Variants in SCP2 observed in about 807,000 individuals in gnomAD.
SCP2 encodes SCP-2/3-oxoacyl-CoA thiolase.
SCP2 carries 48 observed loss-of-function variants against 71.4 expected under a neutral mutation model. That is an observed-to-expected ratio of 0.67 (90% confidence interval 0.53 to 0.86). The LOEUF is 0.86. Ranked by LOEUF, SCP2 falls within the 40% of genes least tolerant of loss-of-function variation. SCP2 has a pLI of 0.00. For synonymous variants in SCP2, 220 were observed against 218.1 expected (o/e 1.01, Z -0.08); for missense variants, 560 against 655.6 (o/e 0.85, Z 1.59).
intron 13 of SCP2, among the ~76,000 whole-genome samples, chr1:53,037,879 TACACACACACACACACAC>T (rs34293671): frequency 1.5e-3 from 125 of 84,624 alleles, no homozygotes; most frequent in Non-Finnish European, 1.5e-3. Flanking sequence ...TGTCTCTACA[TACACACACACACACACAC>T]ACACACACAC....
chr1:53,043,517 G>A (rs902874518), intron 14 of SCP2, among the ~76,000 whole-genome samples: 2 of 152,208 alleles, frequency 1.3e-5, no homozygotes, highest in Admixed American at 1.3e-4. Flanking sequence ...CATAGGAATT[G>A]GGAGTATGAG....
intron 12 of SCP2, 60 bp downstream of exon 12, chr1:53,015,103 ATGTTTTACATGTAAAAATTTCT>A: frequency 6.8e-7 from 1 of 1,467,382 alleles, no homozygotes; most frequent in South Asian, 1.1e-5. Context: ...ACAGTTGATG[ATGTTTTACATGTAAAAATTTCT>A]TATTTTATTG....
chr1:52,974,785 CTT>C lies in SCP2; in HGVS notation c.542_543del (p.Phe181CysfsTer9). 1.9e-6 allele frequency: 3 copies of C among 1,547,572 alleles called. No homozygotes were observed. The highest frequency in any genetic ancestry group is 2.7e-6 in the Non-Finnish European group (3 of 1,119,414). On this transcript the variant is annotated frameshift_variant, in exon 7 of 16. Coordinates refer to ENST00000371514, the MANE Select transcript of SCP2 (RefSeq NM_002979.5). LOFTEE classifies it high-confidence loss of function. Reference sequence around the variant, plus strand: ...TCTTTACAGGAACAAAAATTGAACACTTTGCAAAAATTGGATGGAAAAATCAT... The same window carrying C: ...TCTTTACAGGAACAAAAATTGAACACTGCAAAAATTGGATGGAAAAATCAT... ...MEKYGTKIEH[F>X]AKIGWKNHKH...
At chr1:53,021,316 A>G (rs1054515223) in intron 12 of SCP2, among the ~76,000 whole-genome samples, 51 of 94,548 alleles carry the variant, frequency 5.4e-4, no homozygotes, top group African/African-American at 3.3e-3. Context: ...GCCGTCAACC[A>G]CTTTTTTTTT....
At chr1:53,002,136 G>A (rs1169245690) in intron 11 of SCP2, among the ~76,000 whole-genome samples, 1 of 149,940 alleles carries the variant, frequency 6.7e-6, no homozygotes, top group African/African-American at 2.5e-5. Flanking sequence ...GCAGTGAGCC[G>A]AGATCACGCC....
At chr1:53,021,157 C>T (rs1156343307) in intron 12 of SCP2, among the ~76,000 whole-genome samples, 1 of 152,010 alleles carries the variant, frequency 6.6e-6, no homozygotes, top group African/African-American at 2.4e-5. Flanking sequence ...CAGGCACACA[C>T]CGTCATGCCC....
At chr1:53,026,987 G>A (rs960003244) in intron 12 of SCP2, among the ~76,000 whole-genome samples, 3 of 149,306 alleles carry the variant, frequency 2.0e-5, no homozygotes, top group African/African-American at 5.0e-5. Context: ...CACCCAGGAT[G>A]GGGTGCAGTG....
At chr1:53,050,229 C>T (rs951579555) in intron 15 of SCP2, 3 of 238,488 alleles carry the variant, frequency 1.3e-5, no homozygotes, top group South Asian at 5.4e-5. Context: ...CCAAGAGTTT[C>T]TGTGTTTTTT....
Position 52,927,978 on chromosome 1 carries a change from C to G in SCP2, c.69+513C>G, listed in dbSNP as rs572020895. On this transcript the variant is annotated intron_variant, in intron 1 of 15. Coordinates refer to ENST00000371514, the MANE Select transcript of SCP2 (RefSeq NM_002979.5). Reference sequence around the variant, plus strand: ...CGCCGCAGGCTCCCACGGCCGTTTTCCCCTCATCGCCCGCATGCTCCTTAA... The same window carrying G: ...CGCCGCAGGCTCCCACGGCCGTTTTGCCCTCATCGCCCGCATGCTCCTTAA... 6.6e-5 allele frequency among the ~76,000 whole-genome samples: 10 copies of G among 152,366 alleles called. No homozygotes were observed. The South Asian group carries it at 2.1e-3, about 32-fold the overall frequency.
chr1:52,962,597 T>C (rs59838368), intron 6 of SCP2, among the ~76,000 whole-genome samples: 10,155 of 152,134 alleles, frequency 0.067, 578 homozygotes, highest in East Asian at 0.21. Context: ...GCTCTCTGAC[T>C]GTATCTCCGA....
intron 11 of SCP2, among the ~76,000 whole-genome samples, chr1:53,002,844 C>T (rs1389941573): frequency 2.0e-5 from 3 of 152,092 alleles, no homozygotes; most frequent in Non-Finnish European, 4.4e-5. Flanking sequence ...AACCAAGGGA[C>T]CGAGCATTTT....
chr1:52,960,480 A>ATGTGTGTGTGTGTGTGTG (rs71044447), intron 5 of SCP2, among the ~76,000 whole-genome samples: 1 of 139,538 alleles, frequency 7.2e-6, no homozygotes, highest in Non-Finnish European at 1.5e-5. Flanking sequence ...TACTATGTAT[A>ATGTGTGTGTGTGTGTGTG]TGTGTGTGTG....
intron 9 of SCP2, among the ~76,000 whole-genome samples, chr1:52,979,892 C>T (rs1184023850): frequency 1.3e-5 from 2 of 150,964 alleles, no homozygotes; most frequent in Non-Finnish European, 3.0e-5. Flanking sequence ...CCCTCCTTCC[C>T]TCCCTCCCTC....
chr1:52,933,151 A>G (rs1263323608), intron 1 of SCP2, among the ~76,000 whole-genome samples: 1 of 152,210 alleles, frequency 6.6e-6, no homozygotes, highest in Non-Finnish European at 1.5e-5. Flanking sequence ...GTGAGTCTAG[A>G]ATATTTTGTC....
intron 3 of SCP2, among the ~76,000 whole-genome samples, chr1:52,949,411 A>C (rs1208859880): frequency 6.6e-6 from 1 of 152,188 alleles, no homozygotes; most frequent in Non-Finnish European, 1.5e-5. Context: ...AAGAAATAGC[A>C]CTTGAACATA....
At chr1:53,038,569 T>A (rs893361712) in intron 13 of SCP2, among the ~76,000 whole-genome samples, 1 of 152,076 alleles carries the variant, frequency 6.6e-6, no homozygotes, top group Non-Finnish European at 1.5e-5. Flanking sequence ...CATGCCTGGC[T>A]AATTTTTTTA....
chr1:52,933,369 C>T (rs921382342), intron 1 of SCP2, among the ~76,000 whole-genome samples: 2 of 151,910 alleles, frequency 1.3e-5, no homozygotes, highest in Non-Finnish European at 2.9e-5. Flanking sequence ...TAATTAAGCC[C>T]AGGAGTTTGA....
At chr1:52,952,883 G>A (rs12061062) in intron 4 of SCP2, among the ~76,000 whole-genome samples, 2,579 of 152,002 alleles carry the variant, frequency 0.017, 48 homozygotes, top group African/African-American at 0.057. Flanking sequence ...CATATCCTAT[G>A]TTTCCATATA....
At chr1:52,986,841 C>T (rs1659022494) in intron 10 of SCP2, among the ~76,000 whole-genome samples, 1 of 151,694 alleles carries the variant, frequency 6.6e-6, no homozygotes, top group Non-Finnish European at 1.5e-5. Context: ...ATAATTTTTG[C>T]ATATAACCTA....
Sources: allele counts gnomAD v4.1 joint callset (sites outside exome capture counted in the v4.1 genomes callset), GRCh38; gene constraint gnomAD v4.1.1; transcripts MANE v1.5; gene names NCBI Gene and HGNC (gene_info 2026-07-23, HGNC 2026-07-21).